ANKH: variants seen among roughly 807,000 people sequenced by gnomAD.
The protein encoded by ANKH is mineralization regulator ANKH.
ANKH carries 15 observed loss-of-function variants against 49.0 expected under a neutral mutation model. The observed-to-expected ratio is 0.31, with a 90% CI of 0.20 to 0.47. The LOEUF is 0.47. Among genes scored for constraint, ANKH ranks in the 20% least tolerant of loss-of-function variants. ANKH has a pLI of 1.00. For missense variants in ANKH, 429 were observed against 652.0 expected (o/e 0.66, Z 3.72); for synonymous variants, 273 against 260.0 (o/e 1.05, Z -0.48).
intron 1 of ANKH, among the ~76,000 whole-genome samples, chr5:14,850,764 A>C (rs1225458698): frequency 6.6e-6 from 1 of 152,254 alleles, no homozygotes; most frequent in African/African-American, 2.4e-5. Flanking sequence ...GGAAGCAGGA[A>C]AAATCTTTGA....
At position 14,710,545 on chromosome 5, in the gene ANKH, A is replaced by G. The variant is rs1033480655; in HGVS notation, c.*652T>C. On this transcript the variant is annotated 3_prime_UTR_variant, in exon 12 of 12. Transcript: ENST00000284268. ...GCTGCCCCCGGGGCATTTCAAACCA[A>G]ACCTTTCTACGGGAGATTCTGTCCA... is the stretch of plus-strand genomic sequence containing the variant. 2.6e-5 allele frequency: 4 copies of G among 155,192 alleles called. No homozygotes were observed. Among genetic ancestry groups the G allele is most frequent in the Non-Finnish European group, 5.7e-5 (4 of 69,952 alleles). 9.6% of individuals were successfully genotyped at this position (155,192 alleles called of 1,614,324 possible).
Position 14,751,256 on chromosome 5 carries a change from C to A in ANKH, c.517-17G>T. The A allele has an allele frequency of 1.9e-6, 3 of 1,613,508 alleles. No individual in the cohort carries two copies. The highest frequency in any genetic ancestry group is 2.5e-6 in the Non-Finnish European group (3 of 1,179,778). On this transcript the variant is annotated splice_polypyrimidine_tract_variant and intron_variant, in intron 4 of 11. Coordinates refer to ENST00000284268, the MANE Select transcript of ANKH (RefSeq NM_054027.6). ...AAAAACAACCTGAGAGAAGGGAGAA[C>A]GGGAACAGGTCAGAGGGGAGAAGCG...
At chr5:14,795,715 C>T (rs769283733) in intron 1 of ANKH, among the ~76,000 whole-genome samples, 2 of 152,038 alleles carry the variant, frequency 1.3e-5, no homozygotes, top group Admixed American at 1.3e-4. Context: ...ACAAATTAGT[C>T]GGCGTGGTGG....
intron 2 of ANKH, 130 bp from the exon 3 acceptor site, chr5:14,758,728 T>A: frequency 2.7e-6 from 2 of 751,828 alleles, no homozygotes; most frequent in South Asian, 3.1e-5. Flanking sequence ...GATAAGCAAA[T>A]AGAAAAAAAT....
At chr5:14,717,580 G>C (rs1737518165) in intron 8 of ANKH, among the ~76,000 whole-genome samples, 1 of 152,198 alleles carries the variant, frequency 6.6e-6, no homozygotes, top group Non-Finnish European at 1.5e-5. Context: ...AAGTTAGTAA[G>C]CAATCCATCC....
chr5:14,849,352 A>T (rs914250684), intron 1 of ANKH, among the ~76,000 whole-genome samples: 1 of 152,134 alleles, frequency 6.6e-6, no homozygotes, highest in African/African-American at 2.4e-5. Context: ...GGATCCCTTA[A>T]AGCAAAGGGG....
chr5:14,715,705 C>T (rs567985964), intron 9 of ANKH, among the ~76,000 whole-genome samples: 3 of 152,270 alleles, frequency 2.0e-5, no homozygotes, highest in South Asian at 2.1e-4. Context: ...ATCCATATGA[C>T]GATACAGACA....
chr5:14,787,632 A>T (rs1377161169), intron 1 of ANKH, among the ~76,000 whole-genome samples: 2 of 152,244 alleles, frequency 1.3e-5, no homozygotes, highest in Non-Finnish European at 2.9e-5. Flanking sequence ...AAAAAAATGA[A>T]AGCAACTTTA....
At chr5:14,793,072 T>A (rs1561058012) in intron 1 of ANKH, among the ~76,000 whole-genome samples, 4 of 107,480 alleles carry the variant, frequency 3.7e-5, no homozygotes, top group Admixed American at 1.0e-4. Context: ...TATATATAAA[T>A]ATATAAAAAT....
At chr5:14,851,548 C>T (rs1742122478) in intron 1 of ANKH, among the ~76,000 whole-genome samples, 1 of 152,078 alleles carries the variant, frequency 6.6e-6, no homozygotes, top group South Asian at 2.1e-4. Context: ...GTGCACCAGG[C>T]AAGGGAAAGG....
chr5:14,792,994 ATAT>A (rs1479213596), intron 1 of ANKH, among the ~76,000 whole-genome samples: 17 of 76,028 alleles, frequency 2.2e-4, no homozygotes, highest in Non-Finnish European at 4.4e-4. Flanking sequence ...ATATAAAAAT[ATAT>A]ATATATATAA....
chr5:14,787,613 T>A (rs1234125127), intron 1 of ANKH, among the ~76,000 whole-genome samples: 6 of 152,128 alleles, frequency 3.9e-5, no homozygotes, highest in Admixed American at 3.3e-4. Context: ...TTTTATTAAT[T>A]TAAAATGAAA....
chr5:14,762,803 A>T (rs781739713), intron 2 of ANKH, among the ~76,000 whole-genome samples: 1 of 152,252 alleles, frequency 6.6e-6, no homozygotes, highest in Non-Finnish European at 1.5e-5. Flanking sequence ...TAGCTGCCTT[A>T]GCAATATTTA....
rs375155628 is a variant in ANKH, at chr5:14,717,801, C to A, written c.1012-966G>T. Among the ~76,000 whole-genome samples the A allele has an allele frequency of 3.0e-4, 45 of 152,276 alleles. No homozygotes were observed. The South Asian group carries it at 9.1e-3, about 31-fold the overall frequency. On this transcript the variant is annotated intron_variant, in intron 8 of 11. Transcript: ENST00000284268. ...TTTTAGAATTTTTGCATTATACTTA[C>A]AGGTTACACATCCCTAATCCCAAAA...
intron 8 of ANKH, among the ~76,000 whole-genome samples, chr5:14,718,836 C>G (rs1189388026): frequency 1.4e-5 from 2 of 145,004 alleles, no homozygotes; most frequent in Non-Finnish European, 3.0e-5. Flanking sequence ...ACCACCCCCC[C>G]CCCAAAAAAA....
chr5:14,744,773 C>A (rs1411038839), intron 7 of ANKH, among the ~76,000 whole-genome samples: 1 of 152,216 alleles, frequency 6.6e-6, no homozygotes, highest in Non-Finnish European at 1.5e-5. Context: ...GCTCCGCAGG[C>A]CTCGCCCCTC....
intron 2 of ANKH, among the ~76,000 whole-genome samples, chr5:14,762,172 C>A (rs1739108049): frequency 6.6e-6 from 1 of 152,188 alleles, no homozygotes; most frequent in South Asian, 2.1e-4. Context: ...CCCAAATAAA[C>A]TCTCTATATA....
intron 1 of ANKH, among the ~76,000 whole-genome samples, chr5:14,837,986 C>A (rs1330703175): frequency 1.3e-5 from 2 of 152,122 alleles, no homozygotes; most frequent in Admixed American, 1.3e-4. Context: ...GGCTGGAAAC[C>A]ATCATTCTGA....
intron 1 of ANKH, among the ~76,000 whole-genome samples, chr5:14,838,434 T>C (rs1258649067): frequency 2.0e-5 from 3 of 150,172 alleles, no homozygotes; most frequent in Non-Finnish European, 3.0e-5. Flanking sequence ...ATTAAATAAA[T>C]AAACAAGAAA....
Sources: gnomAD v4.1 joint callset for allele counts (sites outside exome capture counted in the v4.1 genomes callset) on GRCh38, gnomAD v4.1.1 for gene constraint, MANE v1.5 for transcripts, NCBI Gene and HGNC (gene_info 2026-07-23, HGNC 2026-07-21) for gene names.